SYN3: variants seen among roughly 807,000 people sequenced by gnomAD.
SYN3 encodes synapsin III.
In SYN3, 35 loss-of-function variants were observed where a neutral mutation model predicts 65.8. The ratio of observed to expected loss-of-function variants is 0.53; its 90% CI spans 0.41 to 0.70. The LOEUF (loss-of-function observed/expected upper bound fraction) is 0.70, where lower values mean the gene tolerates loss of function less well. Among genes scored for constraint, SYN3 ranks in the 30% least tolerant of loss-of-function variants. The pLI, the probability that SYN3 is intolerant of heterozygous loss-of-function variation, is 0.00. For synonymous variants in SYN3, 270 were observed against 292.9 expected (o/e 0.92, Z 0.80); for missense variants, 680 against 749.0 (o/e 0.91, Z 1.08).
chr22:32,761,118 G>A (rs2045466455), intron 6 of SYN3, among the ~76,000 whole-genome samples: 1 of 152,172 alleles, frequency 6.6e-6, no homozygotes, highest in Non-Finnish European at 1.5e-5. Flanking sequence ...GAAGCCCACT[G>A]GGTCATCTGC....
chr22:32,888,635 G>A (rs1273993973), intron 4 of SYN3, among the ~76,000 whole-genome samples: 1 of 152,176 alleles, frequency 6.6e-6, no homozygotes, highest in African/African-American at 2.4e-5. Context: ...GGTGAAGCAG[G>A]AATGCAAGAC....
chr22:32,593,349 C>G (rs1050678429), intron 7 of SYN3, among the ~76,000 whole-genome samples: 6 of 149,686 alleles, frequency 4.0e-5, no homozygotes, highest in African/African-American at 1.2e-4. Context: ...TTTTTATGTC[C>G]TGTTGGGGAT....
intron 6 of SYN3, among the ~76,000 whole-genome samples, chr22:32,710,645 A>AAAAAAAAAAG (rs1555931894): frequency 4.7e-5 from 6 of 126,992 alleles, no homozygotes; most frequent in Admixed American, 3.5e-4. Flanking sequence ...AAAAAAAAAA[A>AAAAAAAAAAG]AAAGAAAGAA....
intron 7 of SYN3, among the ~76,000 whole-genome samples, chr22:32,593,274 G>A (rs1475466189): frequency 2.0e-5 from 3 of 150,714 alleles, no homozygotes; most frequent in Non-Finnish European, 4.4e-5. Flanking sequence ...AATCCTTGGA[G>A]TGCACCCTCC....
At chr22:32,608,914 T>G (rs2059404342) in intron 6 of SYN3, among the ~76,000 whole-genome samples, 1 of 152,226 alleles carries the variant, frequency 6.6e-6, no homozygotes, top group South Asian at 2.1e-4. Context: ...TCCCCCTCCT[T>G]CAAATTAGTA....
rs191090192 is a variant in SYN3, at chr22:32,913,410, G to A, written c.461+17980C>T. On this transcript the variant is annotated intron_variant, in intron 4 of 13. Coordinates refer to ENST00000358763, the MANE Select transcript of SYN3 (RefSeq NM_003490.4). ...CCTGACCTCGTGATCCGCCCACCTCGGCCTCCCAAAGTGCTGGGATTACAG... is the reference window on the plus strand; with the variant it reads ...CCTGACCTCGTGATCCGCCCACCTCAGCCTCCCAAAGTGCTGGGATTACAG... Among the ~76,000 whole-genome samples, 140 of 151,786 alleles carry A rather than the reference G, an allele frequency of 9.2e-4. 3 individuals are homozygous for A. The East Asian group carries it at 0.026, about 28-fold the overall frequency.
At chr22:32,731,096 A>G (rs1317731388) in intron 6 of SYN3, among the ~76,000 whole-genome samples, 2 of 152,192 alleles carry the variant, frequency 1.3e-5, no homozygotes, top group African/African-American at 4.8e-5. Context: ...ACAGCAGGAC[A>G]TATCTGCCTC....
At chr22:32,978,916 C>A (rs751817421) in intron 3 of SYN3, among the ~76,000 whole-genome samples, 1 of 152,068 alleles carries the variant, frequency 6.6e-6, no homozygotes, top group African/African-American at 2.4e-5. Flanking sequence ...TGGTGGCTCA[C>A]GCCTGTAATC....
At chr22:32,749,368 T>A (rs1355458795) in intron 6 of SYN3, among the ~76,000 whole-genome samples, 1 of 132,940 alleles carries the variant, frequency 7.5e-6, no homozygotes, top group Non-Finnish European at 1.5e-5. Context: ...ATAGCCGTGC[T>A]CAGTGGCTCA....
At chr22:32,703,042 T>G (rs1303244617) in intron 6 of SYN3, among the ~76,000 whole-genome samples, 4 of 152,236 alleles carry the variant, frequency 2.6e-5, no homozygotes, top group African/African-American at 9.6e-5. Flanking sequence ...TAGAGGCATT[T>G]TATGCTGCCA....
intron 2 of SYN3, among the ~76,000 whole-genome samples, chr22:32,989,846 A>AAAAG (rs1283675240): frequency 1.3e-5 from 2 of 149,968 alleles, no homozygotes; most frequent in African/African-American, 4.9e-5. Context: ...AAAAAAAAAA[A>AAAAG]AAAAAAAAGG....
intron 7 of SYN3, among the ~76,000 whole-genome samples, chr22:32,588,969 T>G (rs1268948317): frequency 6.6e-6 from 1 of 152,214 alleles, no homozygotes; most frequent in African/African-American, 2.4e-5. Flanking sequence ...TTCCATGGCA[T>G]TGACAGATCC....
At chr22:32,582,540 T>G (rs1168662197) in intron 7 of SYN3, among the ~76,000 whole-genome samples, 1 of 152,062 alleles carries the variant, frequency 6.6e-6, no homozygotes, top group Non-Finnish European at 1.5e-5. Flanking sequence ...ATTTATTTAA[T>G]TTTTGTAGAG....
chr22:32,941,042 A>C (rs2050921126), intron 3 of SYN3, among the ~76,000 whole-genome samples: 1 of 152,198 alleles, frequency 6.6e-6, no homozygotes. Context: ...CTTGCTTTGC[A>C]ACCAACCCAC....
At chr22:32,836,315 T>C (rs1298301096) in intron 6 of SYN3, among the ~76,000 whole-genome samples, 1 of 152,220 alleles carries the variant, frequency 6.6e-6, no homozygotes. Flanking sequence ...GGCACCATGA[T>C]TGCACAGACA....
At chr22:32,519,977 T>C (rs2057849949) in intron 12 of SYN3, among the ~76,000 whole-genome samples, 1 of 152,124 alleles carries the variant, frequency 6.6e-6, no homozygotes, top group South Asian at 2.1e-4. Flanking sequence ...GGGTTAGGCA[T>C]TATTTTCATC....
chr22:32,668,007 G>T (rs1380524544), intron 6 of SYN3, among the ~76,000 whole-genome samples: 4 of 151,308 alleles, frequency 2.6e-5, no homozygotes, highest in Non-Finnish European at 4.4e-5. Flanking sequence ...TGTTAGCCAG[G>T]ATGGTCTCCA....
intron 2 of SYN3, among the ~76,000 whole-genome samples, chr22:32,995,183 T>C (rs534099967): frequency 6.6e-6 from 1 of 152,234 alleles, no homozygotes; most frequent in South Asian, 2.1e-4. Context: ...ATGGGGTCAA[T>C]AGGGGGATCT....
chr22:32,835,377 A>C (rs1250829141), intron 6 of SYN3, among the ~76,000 whole-genome samples: 1 of 152,204 alleles, frequency 6.6e-6, no homozygotes, highest in Non-Finnish European at 1.5e-5. Flanking sequence ...AAAGAGGATG[A>C]GACATGATTC....
Sources: gnomAD v4.1 joint callset for allele counts (sites outside exome capture counted in the v4.1 genomes callset) on GRCh38, gnomAD v4.1.1 for gene constraint, MANE v1.5 for transcripts, NCBI Gene and HGNC (gene_info 2026-07-23, HGNC 2026-07-21) for gene names.